The following GPHN variants were observed in gnomAD, a reference collection of about 807,000 sequenced individuals.
GPHN encodes gephyrin.
Under a neutral mutation model 95.5 loss-of-function variants are expected in GPHN, and 17 were observed. That is an observed-to-expected ratio of 0.18 (90% confidence interval 0.12 to 0.27). GPHN has a LOEUF of 0.27. Ranked by LOEUF, GPHN falls within the 10% of genes least tolerant of loss-of-function variation. The pLI, the probability that GPHN is intolerant of heterozygous loss-of-function variation, is 1.00. For missense variants in GPHN, 660 were observed against 978.1 expected (o/e 0.67, Z 4.34); for synonymous variants, 320 against 322.5 (o/e 0.99, Z 0.08).
chr14:67,244,004 A>G, the GPHN span, among the ~76,000 whole-genome samples: 9 of 152,190 alleles, frequency 5.9e-5, no homozygotes, highest in Admixed American at 1.3e-4. Flanking sequence ...CTAAGTCTCC[A>G]TATTCTAAAT....
chr14:66,634,485 C>G (rs956755286), intron 1 of GPHN, among the ~76,000 whole-genome samples: 3 of 152,060 alleles, frequency 2.0e-5, no homozygotes, highest in Non-Finnish European at 4.4e-5. Flanking sequence ...CCTCAGGCCT[C>G]TAGGTGTCAC....
chr14:67,503,250 G>T, the GPHN span, among the ~76,000 whole-genome samples: 1 of 152,208 alleles, frequency 6.6e-6, no homozygotes, highest in Admixed American at 6.5e-5. Flanking sequence ...AGCAGAGATG[G>T]TCTCTGGCTT....
chr14:66,966,386 G>T (rs2069327130), intron 9 of GPHN, among the ~76,000 whole-genome samples: 1 of 151,854 alleles, frequency 6.6e-6, no homozygotes, highest in South Asian at 2.1e-4. Context: ...ATTATTTTTA[G>T]ATATATGTCA....
chr14:66,809,992 T>TC (rs1402081414), intron 3 of GPHN, among the ~76,000 whole-genome samples: 1 of 152,090 alleles, frequency 6.6e-6, no homozygotes, highest in Non-Finnish European at 1.5e-5. Context: ...TTCTTGGCTC[T>TC]CTTTGAAAAG....
the GPHN span, among the ~76,000 whole-genome samples, chr14:67,603,419 G>A: frequency 1.3e-5 from 2 of 152,110 alleles, no homozygotes; most frequent in African/African-American, 2.4e-5. Context: ...AAGGCCAAAT[G>A]TACTTTACTT....
the GPHN span, chr14:67,301,827 C>T: frequency 1.0e-6 from 1 of 956,886 alleles, no homozygotes; most frequent in Non-Finnish European, 1.5e-6. Context: ...CCTTAGTATA[C>T]TTAACACATC....
At chr14:67,533,106 G>A in the GPHN span, among the ~76,000 whole-genome samples, 4 of 152,194 alleles carry the variant, frequency 2.6e-5, no homozygotes, top group Non-Finnish European at 2.9e-5. Flanking sequence ...GGAGAGCTGA[G>A]CCCAGCGCTC....
the GPHN span, chr14:67,352,869 G>A: frequency 8.4e-7 from 1 of 1,197,016 alleles, no homozygotes; most frequent in Non-Finnish European, 1.2e-6. Context: ...AAATGCCAAG[G>A]GCCATGCTGG....
chr14:67,123,511 C>T (rs2079122363), intron 17 of GPHN, among the ~76,000 whole-genome samples: 1 of 152,154 alleles, frequency 6.6e-6, no homozygotes, highest in African/African-American at 2.4e-5. Context: ...CCCATCTCTA[C>T]TACAAAATAG....
intron 2 of GPHN, among the ~76,000 whole-genome samples, chr14:66,723,982 T>TACAC (rs369422536): frequency 0.069 from 9,828 of 142,950 alleles, 515 homozygotes; most frequent in African/African-American, 0.16. Flanking sequence ...ATGTCATGCA[T>TACAC]ACATACACAC....
intron 3 of GPHN, among the ~76,000 whole-genome samples, chr14:66,813,633 G>A (rs764279992): frequency 2.0e-5 from 3 of 152,254 alleles, no homozygotes. Context: ...GCCAGCTGAT[G>A]TGGAGCCCAG....
chr14:67,279,185 T>C, the GPHN span: 371 of 1,594,664 alleles, frequency 2.3e-4, no homozygotes, highest in Non-Finnish European at 2.0e-4. Flanking sequence ...CAACATCCCA[T>C]ATGAATGGGC....
chr14:67,057,043 G>C (rs1332084778), intron 10 of GPHN, among the ~76,000 whole-genome samples: 3 of 152,088 alleles, frequency 2.0e-5, no homozygotes, highest in East Asian at 3.9e-4. Flanking sequence ...CACAGCCCCA[G>C]TTCCCACCCA....
At chr14:66,910,230 A>G (rs1416202058) in intron 5 of GPHN, among the ~76,000 whole-genome samples, 3 of 151,996 alleles carry the variant, frequency 2.0e-5, no homozygotes, top group African/African-American at 7.2e-5. Flanking sequence ...TAAGTTTAAA[A>G]TTACAAATAA....
chr14:66,724,005 A>ACACACT (rs965357061), intron 2 of GPHN, among the ~76,000 whole-genome samples: 3 of 151,788 alleles, frequency 2.0e-5, no homozygotes, highest in Non-Finnish European at 4.4e-5. Flanking sequence ...ACACACACAC[A>ACACACT]CACACACACA....
the GPHN span, among the ~76,000 whole-genome samples, chr14:67,381,317 C>A: frequency 6.6e-6 from 1 of 152,162 alleles, no homozygotes; most frequent in South Asian, 2.1e-4. Context: ...ACCATTTACA[C>A]AAATGTTCTT....
chr14:66,566,089 T>C (rs2060451670), intron 1 of GPHN, among the ~76,000 whole-genome samples: 1 of 152,080 alleles, frequency 6.6e-6, no homozygotes, highest in African/African-American at 2.4e-5. Context: ...ATTTTAGCAC[T>C]TACTGAACTC....
the GPHN span, among the ~76,000 whole-genome samples, chr14:67,278,743 C>G: frequency 6.6e-6 from 1 of 152,156 alleles, no homozygotes; most frequent in African/African-American, 2.4e-5. Context: ...TTTTACTTTC[C>G]TACTTTGCTA....
the GPHN span, among the ~76,000 whole-genome samples, chr14:67,536,354 A>G: frequency 6.6e-6 from 1 of 151,808 alleles, no homozygotes; most frequent in South Asian, 2.1e-4. Context: ...CTCTCCCACA[A>G]TTGACAAGTA....
Sources: allele counts gnomAD v4.1 joint callset (sites outside exome capture counted in the v4.1 genomes callset), GRCh38; gene constraint gnomAD v4.1.1; transcripts MANE v1.5; gene names NCBI Gene and HGNC (gene_info 2026-07-23, HGNC 2026-07-21).